The following ACSS3 variants were observed in gnomAD, a reference collection of about 807,000 sequenced individuals.
ACSS3 encodes acyl-CoA synthetase short chain family member 3.
In ACSS3, 64 loss-of-function variants were observed where a neutral mutation model predicts 84.2. That is an observed-to-expected ratio of 0.76 (90% CI 0.62 to 0.94). The LOEUF (loss-of-function observed/expected upper bound fraction) is 0.94, where lower values mean the gene tolerates loss of function less well. Among genes scored for constraint, ACSS3 ranks in the 40% least tolerant of loss-of-function variants. The pLI, the probability that ACSS3 is intolerant of heterozygous loss-of-function variation, is 0.00. For synonymous variants in ACSS3, 317 were observed against 310.1 expected, an observed-to-expected ratio of 1.02 and a Z score of -0.23; for missense variants, 815 against 867.6, an observed-to-expected ratio of 0.94 and a Z score of 0.76.
At chr12:81,109,445 A>T (rs1401691093) in intron 1 of ACSS3, 115 bp from the exon 2 acceptor site, 1 of 1,147,312 alleles carries the variant, frequency 8.7e-7, no homozygotes, top group Admixed American at 2.7e-5. Flanking sequence ...CATAGAATGC[A>T]CTAGGAAACA....
chr12:81,155,430 A>C (rs1886814390), intron 7 of ACSS3, among the ~76,000 whole-genome samples: 1 of 152,192 alleles, frequency 6.6e-6, no homozygotes. Flanking sequence ...GACATCTCTG[A>C]ATAGTCTGTG....
At chr12:81,080,796 T>A (rs1163331359) in intron 1 of ACSS3, among the ~76,000 whole-genome samples, 1 of 152,250 alleles carries the variant, frequency 6.6e-6, no homozygotes, top group Non-Finnish European at 1.5e-5. Context: ...ATATAAATTT[T>A]TAAAGTGAGA....
chr12:81,152,096 G>A lies in ACSS3; in HGVS notation c.1098G>A (p.Glu366=). The stretch of plus-strand genomic sequence containing the variant: ...ATGGGAACACAACAGTTTTATATGA[G>A]GTAATAAAGTAAAGTTAATACCACA... ...LLHGNTTVLY[E]GKPVGTPDAG... Residue 366 remains glutamate, a splice_region_variant and synonymous_variant, in exon 7 of 16, where the codon GAG becomes GAA. Coordinates refer to ENST00000548058, the MANE Select transcript of ACSS3 (RefSeq NM_024560.4). 4 of 1,606,072 alleles carry A rather than the reference G, an allele frequency of 2.5e-6. No homozygotes were observed. The highest frequency in any genetic ancestry group is 3.4e-6 in the Non-Finnish European group (4 of 1,174,884).
chr12:81,173,203 C>A (rs930834065), intron 7 of ACSS3, among the ~76,000 whole-genome samples: 1 of 152,184 alleles, frequency 6.6e-6, no homozygotes, highest in Non-Finnish European at 1.5e-5. Context: ...AGACTCATTT[C>A]AGACTGATGT....
intron 1 of ACSS3, among the ~76,000 whole-genome samples, chr12:81,090,025 G>A (rs1881573245): frequency 2.0e-5 from 3 of 151,948 alleles, no homozygotes; most frequent in Admixed American, 2.0e-4. Context: ...GCAGAACCTA[G>A]AGAGTGAAAA....
intron 1 of ACSS3, among the ~76,000 whole-genome samples, chr12:81,085,371 G>T (rs7953847): frequency 0.06 from 9,063 of 152,242 alleles, 673 homozygotes; most frequent in African/African-American, 0.18. Context: ...GGAAGCAGCT[G>T]AAAAGGGAAA....
chr12:81,170,443 C>G (rs2029947634), intron 7 of ACSS3, among the ~76,000 whole-genome samples: 1 of 152,060 alleles, frequency 6.6e-6, no homozygotes, highest in Non-Finnish European at 1.5e-5. Context: ...TTTTATAAAT[C>G]TCTGAGGTTA....
intron 8 of ACSS3, among the ~76,000 whole-genome samples, chr12:81,191,473 C>T (rs558872343): frequency 2.2e-4 from 34 of 152,032 alleles, no homozygotes; most frequent in South Asian, 1.5e-3. Context: ...AGTCTTTTTC[C>T]CCGCTATTAT....
At chr12:81,166,179 C>T (rs1242152890) in intron 7 of ACSS3, among the ~76,000 whole-genome samples, 4 of 151,988 alleles carry the variant, frequency 2.6e-5, no homozygotes, top group Non-Finnish European at 5.9e-5. Context: ...GTCCAAGATA[C>T]GTGGCCAGGA....
At chr12:81,104,863 T>C (rs1882841726) in intron 1 of ACSS3, 1 of 152,044 alleles carries the variant, frequency 6.6e-6, no homozygotes, top group Non-Finnish European at 1.5e-5. Context: ...TTATTATTTT[T>C]GTTTATTTTT....
rs552523530 is a variant in ACSS3, at chr12:81,258,736, G to C, written c.*3814G>C. ...ATTGACAAAAGGGAAAGGTATCTTG[G>C]GTTTCGTTTTCTCTAGTGGAAATGA... On this transcript the variant is annotated 3_prime_UTR_variant, in exon 16 of 16. Transcript: ENST00000548058. 1 of 151,972 alleles carries C rather than the reference G, an allele frequency of 6.6e-6. No individual in the cohort carries two copies. The highest frequency in any genetic ancestry group is 1.5e-5 in the Non-Finnish European group (1 of 67,984). The allele number at this position is 151,972 out of a possible 1,614,324, so 9.4% of individuals were successfully genotyped here. A position where few individuals can be genotyped will look rare whatever the true frequency, so the allele number is the denominator to read the frequency against.
At chr12:81,249,433 T>G (rs1326847273) in intron 13 of ACSS3, among the ~76,000 whole-genome samples, 1 of 152,096 alleles carries the variant, frequency 6.6e-6, no homozygotes, top group Non-Finnish European at 1.5e-5. Context: ...GTTAACATAC[T>G]GTCTTTAAAG....
chr12:81,196,796 C>G (rs1053292256), intron 8 of ACSS3, among the ~76,000 whole-genome samples: 1 of 151,938 alleles, frequency 6.6e-6, no homozygotes, highest in Non-Finnish European at 1.5e-5. Context: ...AGAGGAGGTG[C>G]CTGGCTCTTT....
chr12:81,190,203 C>T (rs1335001956), intron 8 of ACSS3, among the ~76,000 whole-genome samples: 2 of 145,820 alleles, frequency 1.4e-5, no homozygotes, highest in East Asian at 2.3e-4. Flanking sequence ...AACACAAAAA[C>T]ATAGAGATAG....
chr12:81,189,850 T>A (rs1476640085), intron 8 of ACSS3, among the ~76,000 whole-genome samples: 1 of 152,184 alleles, frequency 6.6e-6, no homozygotes, highest in East Asian at 1.9e-4. Context: ...TAGATTTGTA[T>A]GTATGACATG....
chr12:81,242,538 G>A (rs1488462894), intron 13 of ACSS3, among the ~76,000 whole-genome samples: 1 of 149,992 alleles, frequency 6.7e-6, no homozygotes, highest in Non-Finnish European at 1.5e-5. Flanking sequence ...TACCAAAGCT[G>A]GGCAGAGACA....
intron 7 of ACSS3, among the ~76,000 whole-genome samples, chr12:81,165,496 A>G (rs906626006): frequency 3.9e-5 from 6 of 152,102 alleles, no homozygotes; most frequent in Non-Finnish European, 5.9e-5. Flanking sequence ...ATACAAAAAA[A>G]TTAGCCAGGC....
Position 81,172,935 on chromosome 12 carries a change from C to T in ACSS3, c.1099-1853C>T, listed in dbSNP as rs144033063. On this transcript the variant is annotated intron_variant, in intron 7 of 15. Coordinates refer to ENST00000548058, the MANE Select transcript of ACSS3 (RefSeq NM_024560.4). ...TTTCTTCAGTGGAGGTTAAATTATCCTACATTATTATCTCAGTGCCTTTAG... is the reference window on the plus strand; with the variant it reads ...TTTCTTCAGTGGAGGTTAAATTATCTTACATTATTATCTCAGTGCCTTTAG... 2.1e-3 allele frequency among the ~76,000 whole-genome samples: 325 copies of T among 152,188 alleles called. 1 individual carries two copies. The highest frequency in any genetic ancestry group is 7.2e-3 in the African/African-American group (297 of 41,516).
chr12:81,220,036 C>A lies in ACSS3; in HGVS notation c.1474C>A (p.Gln492Lys). 6.5e-7 allele frequency: 1 copy of A among 1,538,968 alleles called. No homozygotes were observed. The highest frequency in any genetic ancestry group is 8.8e-7 in the Non-Finnish European group (1 of 1,142,326). ...AGTTATGATTTTGGATGACAACATG[C>A]AAAAACTGAAGGCTCGGTGTTTAGG... ...YNVMILDDNMQKLKARCLGNI... is the reference protein window; with the variant it reads ...YNVMILDDNMKKLKARCLGNI... Residue 492 changes from glutamine to lysine, a missense_variant, in exon 11 of 16, where the codon CAA (glutamine) becomes AAA (lysine). Physicochemically the swap from Gln to Lys is moderately conservative, Grantham distance 53. Transcript: ENST00000548058.
Sources: gnomAD v4.1 joint callset for allele counts (sites outside exome capture counted in the v4.1 genomes callset) on GRCh38, gnomAD v4.1.1 for gene constraint, MANE v1.5 for transcripts, NCBI Gene and HGNC (gene_info 2026-07-23, HGNC 2026-07-21) for gene names.